ACACA: variants seen among roughly 807,000 people sequenced by gnomAD.
ACACA encodes acetyl-CoA carboxylase 1.
In ACACA, 103 loss-of-function variants were observed where a neutral mutation model predicts 296.1. The ratio of observed to expected loss-of-function variants is 0.35; its 90% CI spans 0.30 to 0.41. The LOEUF is 0.41. Ranked by LOEUF, ACACA falls within the 10% of genes least tolerant of loss-of-function variation. The pLI is 1.00. For synonymous variants in ACACA, 953 were observed against 1,038.6 expected (o/e 0.92, Z 1.58); for missense variants, 1,554 against 2,989.7 (o/e 0.52, Z 11.20).
At chr17:37,103,459 T>C (rs144299353) in intron 52 of ACACA, among the ~76,000 whole-genome samples, 4 of 152,322 alleles carry the variant, frequency 2.6e-5, no homozygotes, top group Non-Finnish European at 5.9e-5. Context: ...TCTAGCCAGA[T>C]TGCAGGGCCT....
intron 3 of ACACA, among the ~76,000 whole-genome samples, chr17:37,302,681 C>A (rs1203417862): frequency 6.6e-6 from 1 of 152,100 alleles, no homozygotes; most frequent in African/African-American, 2.4e-5. Context: ...CTATTTTATT[C>A]TTTTTAATGC....
intron 8 of ACACA, among the ~76,000 whole-genome samples, 173 bp downstream of exon 8, chr17:37,275,778 T>G (rs1005634492): frequency 8.5e-5 from 13 of 152,196 alleles, no homozygotes; most frequent in African/African-American, 2.7e-4. Flanking sequence ...TAAATTTATA[T>G]TACTAAAAGA....
chr17:37,364,072 G>A (rs1286055706), intron 1 of ACACA, among the ~76,000 whole-genome samples: 1 of 151,966 alleles, frequency 6.6e-6, no homozygotes, highest in Admixed American at 6.6e-5. Context: ...GCAGTGAGCC[G>A]AGATCGTGCC....
At chr17:37,144,143 T>C (rs542205591) in intron 45 of ACACA, 3 of 753,718 alleles carry the variant, frequency 4.0e-6, no homozygotes, top group African/African-American at 3.4e-5. Context: ...TTAGCAGACA[T>C]GGTCTTCCAC....
chr17:37,177,942 C>T (rs983605261), intron 41 of ACACA, among the ~76,000 whole-genome samples: 7 of 152,276 alleles, frequency 4.6e-5, no homozygotes, highest in African/African-American at 1.7e-4. Context: ...GAAATAGCCA[C>T]ACACCTTGTA....
intron 42 of ACACA, among the ~76,000 whole-genome samples, chr17:37,157,864 A>T (rs965157997): frequency 6.6e-6 from 1 of 152,090 alleles, no homozygotes; most frequent in Non-Finnish European, 1.5e-5. Flanking sequence ...TCTGTTGAGA[A>T]CAGACCTTGG....
At chr17:37,405,569 T>C (rs2051451600) in intron 1 of ACACA, among the ~76,000 whole-genome samples, 1 of 152,166 alleles carries the variant, frequency 6.6e-6, no homozygotes, top group South Asian at 2.1e-4. Context: ...CTTTTCTTTT[T>C]GAGACAGAGT....
intron 3 of ACACA, among the ~76,000 whole-genome samples, chr17:37,324,557 C>T (rs1227300602): frequency 6.6e-6 from 1 of 150,958 alleles, no homozygotes; most frequent in Non-Finnish European, 1.5e-5. Flanking sequence ...GTAATCCCAG[C>T]TACTTGGGAG....
intron 50 of ACACA, among the ~76,000 whole-genome samples, chr17:37,119,176 G>T (rs906680715): frequency 6.6e-6 from 1 of 151,986 alleles, no homozygotes; most frequent in Non-Finnish European, 1.5e-5. Context: ...ATGAATGAGG[G>T]GTTTTCAGGC....
rs1047106832 is a variant in ACACA, at chr17:37,299,883, A to T, written c.339-14913T>A. 3.7e-6 allele frequency: 3 copies of T among 802,570 alleles called. No homozygotes were observed. The African/African-American group carries it at 5.6e-5, about 15-fold the overall frequency. The allele number at this position is 802,570 out of a possible 1,614,324, so 49.7% of individuals were successfully genotyped here. ...GGGAGGAGCACAGCTCGGTCTAAAG[A>T]GGTAATTTCTGAGATCCAATCAAAA... is the stretch of plus-strand genomic sequence containing the variant. On this transcript the variant is annotated intron_variant, in intron 3 of 55. Coordinates refer to ENST00000616317, the MANE Select transcript of ACACA (RefSeq NM_198834.3).
At chr17:37,274,172 T>A (rs1252559264) in intron 9 of ACACA, 21 bp downstream of exon 9, 1 of 1,589,572 alleles carries the variant, frequency 6.3e-7, no homozygotes, top group Non-Finnish European at 8.6e-7. Context: ...AAGGTATCAC[T>A]CCCTGGAGTT....
chr17:37,405,693 C>T (rs977541267), intron 1 of ACACA, among the ~76,000 whole-genome samples: 1 of 151,990 alleles, frequency 6.6e-6, no homozygotes. Flanking sequence ...GCTGGGATTA[C>T]AGGTGCCTGC....
intron 44 of ACACA, 92 bp downstream of exon 44, chr17:37,151,208 CT>C: frequency 7.1e-7 from 1 of 1,413,066 alleles, no homozygotes; most frequent in Non-Finnish European, 9.9e-7. Context: ...AAGAAATGCT[CT>C]CATTTGGGAC....
At chr17:37,391,361 A>G (rs2050876889) in intron 1 of ACACA, among the ~76,000 whole-genome samples, 1 of 152,194 alleles carries the variant, frequency 6.6e-6, no homozygotes, top group African/African-American at 2.4e-5. Flanking sequence ...AGGCTTGAAG[A>G]GGTTATGTGA....
At chr17:37,342,472 C>CAT (rs60075011) in intron 1 of ACACA, among the ~76,000 whole-genome samples, 1 of 105,594 alleles carries the variant, frequency 9.5e-6, no homozygotes, top group South Asian at 3.1e-4. Flanking sequence ...CACACACACA[C>CAT]ATATATTTTT....
chr17:37,294,783 G>A (rs966374304), intron 3 of ACACA, among the ~76,000 whole-genome samples: 10 of 152,372 alleles, frequency 6.6e-5, no homozygotes, highest in African/African-American at 2.2e-4. Flanking sequence ...TGGAGAAGTT[G>A]AGGTCTGGAG....
intron 14 of ACACA, among the ~76,000 whole-genome samples, chr17:37,254,424 A>C (rs560916639): frequency 1.3e-5 from 2 of 152,128 alleles, no homozygotes; most frequent in South Asian, 2.1e-4. Context: ...ACTTCTACAA[A>C]CTTCAATTAT....
At chr17:37,346,173 C>T (rs755814889) in intron 1 of ACACA, among the ~76,000 whole-genome samples, 8 of 151,930 alleles carry the variant, frequency 5.3e-5, no homozygotes, top group Non-Finnish European at 8.8e-5. Context: ...TATGGTTAGC[C>T]GGGCATGGAG....
chr17:37,348,764 A>T (rs896311940), intron 1 of ACACA, among the ~76,000 whole-genome samples: 1 of 151,912 alleles, frequency 6.6e-6, no homozygotes, highest in African/African-American at 2.4e-5. Context: ...GATTGAGACC[A>T]CGGTGAAACC....
Sources: allele counts gnomAD v4.1 joint callset (sites outside exome capture counted in the v4.1 genomes callset), GRCh38; gene constraint gnomAD v4.1.1; transcripts MANE v1.5; gene names NCBI Gene and HGNC (gene_info 2026-07-23, HGNC 2026-07-21).